The following NDRG3 variants were observed in gnomAD, a reference collection of about 807,000 sequenced individuals.
NDRG3 encodes NDRG family member 3.
A neutral mutation model predicts 57.2 loss-of-function variants in NDRG3; 23 were observed. The observed-to-expected ratio is 0.40, with a 90% CI of 0.29 to 0.57. The LOEUF is 0.57. Among genes scored for constraint, NDRG3 ranks in the 20% least tolerant of loss-of-function variants. The pLI is 0.42. For missense variants in NDRG3, 384 were observed against 457.3 expected, an observed-to-expected ratio of 0.84 and a Z score of 1.46; for synonymous variants, 132 against 162.6, an observed-to-expected ratio of 0.81 and a Z score of 1.43.
At chr20:36,670,364 G>C (rs1028396851) in intron 9 of NDRG3, among the ~76,000 whole-genome samples, 1 of 152,084 alleles carries the variant, frequency 6.6e-6, no homozygotes, top group African/African-American at 2.4e-5. Flanking sequence ...GCAGAATATG[G>C]GGTAGGTGAC....
At chr20:36,728,828 C>G (rs1006374853) in intron 1 of NDRG3, among the ~76,000 whole-genome samples, 1 of 151,984 alleles carries the variant, frequency 6.6e-6, no homozygotes, top group Non-Finnish European at 1.5e-5. Flanking sequence ...TGGGCTCAAG[C>G]GATTCTCCTG....
intron 8 of NDRG3, among the ~76,000 whole-genome samples, chr20:36,674,484 T>A (rs375847170): frequency 9.9e-5 from 15 of 152,088 alleles, no homozygotes; most frequent in African/African-American, 3.4e-4. Flanking sequence ...ATTACAGGTG[T>A]GAGCCACCAC....
At chr20:36,680,992 C>G in intron 7 of NDRG3, 90 bp from the exon 8 acceptor site, 7 of 1,042,006 alleles carry the variant, frequency 6.7e-6, no homozygotes, top group Non-Finnish European at 1.0e-5. Context: ...TTCTTACTTA[C>G]ATGCCTTAAT....
chr20:36,735,686 T>C (rs866390957), intron 1 of NDRG3, among the ~76,000 whole-genome samples: 25 of 151,062 alleles, frequency 1.7e-4, no homozygotes, highest in Middle Eastern at 3.2e-3. Flanking sequence ...GACATCAGGG[T>C]TGGGAAAGAA....
At chr20:36,695,273 C>G (rs1982680289) in intron 3 of NDRG3, among the ~76,000 whole-genome samples, 3 of 152,254 alleles carry the variant, frequency 2.0e-5, no homozygotes, top group Admixed American at 6.5e-5. Context: ...GTTAACTGCA[C>G]AAATTGTTCG....
intron 5 of NDRG3, among the ~76,000 whole-genome samples, chr20:36,685,789 G>A (rs1483475158): frequency 6.6e-6 from 1 of 152,146 alleles, no homozygotes; most frequent in Non-Finnish European, 1.5e-5. Context: ...CAACCAGATT[G>A]CTCAAGCCCA....
At chr20:36,738,472 T>C (rs1481055235) in intron 1 of NDRG3, among the ~76,000 whole-genome samples, 2 of 149,002 alleles carry the variant, frequency 1.3e-5, no homozygotes, top group East Asian at 2.0e-4. Context: ...CACTTCACTC[T>C]AGACCGGGCA....
chr20:36,656,411 G>T lies in NDRG3; in HGVS notation c.895C>A (p.Pro299Thr), dbSNP rs757966179. The T allele has an allele frequency of 6.2e-7, 1 of 1,614,030 alleles. No individual in the cohort carries two copies. The highest frequency in any genetic ancestry group is 8.5e-7 in the Non-Finnish European group (1 of 1,180,032). The part of the protein sequence containing the change: ...DCGGLPQVVQ[P>T]GKLTEAFKYF... ...TTGAAGGCCTCGGTGAGCTTCCCAG[G>T]CTGGGGGGATAAAACAAGAGGGCAT... Residue 299 changes from proline (P) to threonine (T), a missense_variant and splice_region_variant, in exon 15 of 16, where the codon CCT becomes ACT. Pro to Thr is a conservative substitution (Grantham distance 38). Transcript: ENST00000349004.
chr20:36,706,908 C>T, intron 3 of NDRG3, 64 bp downstream of exon 3: 2 of 1,411,576 alleles, frequency 1.4e-6, no homozygotes, highest in Non-Finnish European at 2.0e-6. Flanking sequence ...AGACCACCAC[C>T]ACAGGAAAGG....
At chr20:36,692,969 G>A (rs1230717377) in intron 3 of NDRG3, among the ~76,000 whole-genome samples, 1 of 146,924 alleles carries the variant, frequency 6.8e-6, no homozygotes, top group Non-Finnish European at 1.5e-5. Context: ...CAACTATTCG[G>A]GAAGCTGAGG....
At chr20:36,690,023 A>G (rs916706342) in intron 3 of NDRG3, among the ~76,000 whole-genome samples, 10 of 152,076 alleles carry the variant, frequency 6.6e-5, no homozygotes, top group Non-Finnish European at 1.5e-5. Context: ...CCCAGCCTGT[A>G]ATTGGAACTA....
At position 36,727,176 on chromosome 20, in the gene NDRG3, A is replaced by G. The variant is rs529939397; in HGVS notation, c.-48-5393T>C. Among the ~76,000 whole-genome samples the G allele has an allele frequency of 3.3e-5, 5 of 152,254 alleles. No individual in the cohort carries two copies. The East Asian group carries it at 9.7e-4, about 29-fold the overall frequency. ...AGTAATCTGCCAGCTTCAGTCTCCC[A>G]AAGTGCTGGGATTACAAGTGTGAGC... On this transcript the variant is annotated intron_variant, in intron 1 of 15. Coordinates refer to ENST00000349004, the MANE Select transcript of NDRG3 (RefSeq NM_032013.4).
At chr20:36,696,790 C>T (rs113020286) in intron 3 of NDRG3, among the ~76,000 whole-genome samples, 6,211 of 152,252 alleles carry the variant, frequency 0.041, 457 homozygotes, top group African/African-American at 0.14. Flanking sequence ...CACGCCCGGC[C>T]GCCTCTGGCC....
chr20:36,720,105 T>C (rs1305375368), intron 2 of NDRG3, among the ~76,000 whole-genome samples: 2 of 143,372 alleles, frequency 1.4e-5, no homozygotes, highest in African/African-American at 5.2e-5. Context: ...AGACTCCGTC[T>C]CAAAAAAAAA....
chr20:36,664,980 C>T (rs1979495629), intron 12 of NDRG3, 66 bp downstream of exon 12: 1 of 1,499,872 alleles, frequency 6.7e-7, no homozygotes, highest in Non-Finnish European at 9.3e-7. Context: ...TGAGCCACTG[C>T]ACCTGGCCTA....
chr20:36,687,686 T>G lies in NDRG3; in HGVS notation c.200-74A>C. ...AATTTTCCTCTACTCAGTCAATGCC[T>G]ATTATCACCTTCTTTCCCTGCTTTT... On this transcript the variant is annotated intron_variant, in intron 4 of 15. Coordinates refer to ENST00000349004, the MANE Select transcript of NDRG3 (RefSeq NM_032013.4). 3.3e-6 allele frequency: 5 copies of G among 1,494,840 alleles called. No homozygotes were observed. In the South Asian group the frequency reaches 6.4e-5, roughly 19 times the overall value. The allele number at this position is 1,494,840 out of a possible 1,614,324, so 92.6% of individuals were successfully genotyped here.
chr20:36,731,964 T>G (rs1985312893), intron 1 of NDRG3, among the ~76,000 whole-genome samples: 1 of 151,574 alleles, frequency 6.6e-6, no homozygotes, highest in Admixed American at 6.6e-5. Flanking sequence ...CTACAAAAAA[T>G]TAAACAATTA....
At chr20:36,733,171 AATATATATATAT>A (rs1555807708) in intron 1 of NDRG3, among the ~76,000 whole-genome samples, 426 of 33,208 alleles carry the variant, frequency 0.013, 14 homozygotes, top group African/African-American at 0.044. Flanking sequence ...AAAAAAAAAA[AATATATATATAT>A]ATATATATAT....
chr20:36,678,464 C>T (rs1361744781), intron 8 of NDRG3, among the ~76,000 whole-genome samples: 4 of 152,036 alleles, frequency 2.6e-5, no homozygotes, highest in Non-Finnish European at 5.9e-5. Flanking sequence ...GGGTGGATCA[C>T]GAGGTCAGGA....
Sources: gnomAD v4.1 joint callset for allele counts (sites outside exome capture counted in the v4.1 genomes callset) on GRCh38, gnomAD v4.1.1 for gene constraint, MANE v1.5 for transcripts, NCBI Gene and HGNC (gene_info 2026-07-23, HGNC 2026-07-21) for gene names.